Variants in PPP6R3 observed in about 807,000 individuals in gnomAD.
PPP6R3 encodes the protein serine/threonine-protein phosphatase 6 regulatory subunit 3.
PPP6R3 carries 38 observed loss-of-function variants against 110.7 expected under a neutral mutation model. The ratio of observed to expected loss-of-function variants is 0.34; its 90% CI spans 0.26 to 0.45. The LOEUF is 0.45. Among genes scored for constraint, PPP6R3 ranks in the 20% least tolerant of loss-of-function variants. PPP6R3 has a pLI of 1.00. For synonymous variants in PPP6R3, 369 were observed against 373.5 expected (o/e 0.99, Z 0.14); for missense variants, 870 against 1,062.4 (o/e 0.82, Z 2.52).
intron 2 of PPP6R3, among the ~76,000 whole-genome samples, chr11:68,528,231 A>C (rs1351744145): frequency 2.0e-5 from 3 of 152,184 alleles, no homozygotes; most frequent in Non-Finnish European, 4.4e-5. Context: ...GAAATGCTTG[A>C]AATATCAAAG....
At chr11:68,480,978 A>G (rs908102707) in intron 1 of PPP6R3, among the ~76,000 whole-genome samples, 5 of 152,204 alleles carry the variant, frequency 3.3e-5, no homozygotes, top group African/African-American at 1.2e-4. Context: ...TTTGCTTGCT[A>G]GAAAATGTTA....
Position 68,582,705 on chromosome 11 carries a change from A to G in PPP6R3, c.1546-338A>G, listed in dbSNP as rs184098516. Reference sequence around the variant, plus strand: ...AGGGTTTCTGTGTTTCATCTGTGCCATTACCTCTGTCTTTCTTTTTGTAAA... The same window carrying G: ...AGGGTTTCTGTGTTTCATCTGTGCCGTTACCTCTGTCTTTCTTTTTGTAAA... On this transcript the variant is annotated intron_variant, in intron 14 of 23. Coordinates refer to ENST00000393800, the MANE Select transcript of PPP6R3 (RefSeq NM_001164161.2). 1.3e-4 allele frequency among the ~76,000 whole-genome samples: 20 copies of G among 152,370 alleles called. No individual in the cohort carries two copies. The East Asian group carries it at 3.5e-3, about 26-fold the overall frequency.
intron 3 of PPP6R3, among the ~76,000 whole-genome samples, chr11:68,543,117 C>T (rs1326079756): frequency 6.6e-6 from 1 of 152,178 alleles, no homozygotes; most frequent in East Asian, 1.9e-4. Context: ...TTTTTACTCC[C>T]CTCCTCCATA....
At chr11:68,580,955 TAG>T (rs2099552016) in intron 14 of PPP6R3, among the ~76,000 whole-genome samples, 1 of 152,004 alleles carries the variant, frequency 6.6e-6, no homozygotes, top group Non-Finnish European at 1.5e-5. Context: ...GTATTTTTAG[TAG>T]AGACGGGGTT....
rs116021975 is a variant in PPP6R3, at chr11:68,614,863, G to A, written c.*1746G>A. ...CTGACTTGAATGGCGTTGGACCTCG[G>A]GGATTACTGGTAGATAATATGCTCT... On this transcript the variant is annotated 3_prime_UTR_variant, in exon 24 of 24. Transcript: ENST00000393800. The A allele has an allele frequency of 0.018, 17,635 of 976,936 alleles. 221 individuals are homozygous for A. Among genetic ancestry groups the A allele is most frequent in the Middle Eastern group, 0.027 (131 of 4,822 alleles). The allele number at this position is 976,936 out of a possible 1,614,324, so 60.5% of individuals were successfully genotyped here.
At chr11:68,507,246 ATT>A (rs58191278) in intron 1 of PPP6R3, among the ~76,000 whole-genome samples, 2,384 of 114,934 alleles carry the variant, frequency 0.021, 22 homozygotes, top group African/African-American at 0.036. Flanking sequence ...GTCTTTTTGC[ATT>A]TTTTTTTTTT....
intron 1 of PPP6R3, among the ~76,000 whole-genome samples, chr11:68,461,049 G>A (rs2098701188): frequency 6.6e-6 from 1 of 151,790 alleles, no homozygotes; most frequent in East Asian, 1.9e-4. Context: ...CGGGGGCCCC[G>A]CCAGGACGGG....
At chr11:68,488,022 C>A (rs895024310) in intron 1 of PPP6R3, among the ~76,000 whole-genome samples, 5 of 152,142 alleles carry the variant, frequency 3.3e-5, no homozygotes, top group Admixed American at 3.3e-4. Context: ...TCAGTTTTTG[C>A]CTCATGTATT....
intron 14 of PPP6R3, among the ~76,000 whole-genome samples, chr11:68,581,234 A>T (rs2099553223): frequency 1.3e-5 from 2 of 152,212 alleles, no homozygotes; most frequent in Admixed American, 1.3e-4. Context: ...AGCTTTTTTA[A>T]ATATCTTCTA....
intron 18 of PPP6R3, among the ~76,000 whole-genome samples, chr11:68,594,854 T>C (rs1056415508): frequency 1.3e-5 from 2 of 152,186 alleles, no homozygotes; most frequent in East Asian, 1.9e-4. Context: ...CAGTATGATA[T>C]GGGCAAGAAG....
chr11:68,466,151 A>G (rs533791312), intron 1 of PPP6R3, among the ~76,000 whole-genome samples: 4 of 152,276 alleles, frequency 2.6e-5, no homozygotes, highest in Admixed American at 2.6e-4. Context: ...CTCCTGCTGC[A>G]TTATGGATCT....
At chr11:68,534,377 A>T (rs2099258340) in intron 2 of PPP6R3, among the ~76,000 whole-genome samples, 1 of 152,122 alleles carries the variant, frequency 6.6e-6, no homozygotes, top group Admixed American at 6.6e-5. Flanking sequence ...TCTTAAAACA[A>T]CCCTTAAAAA....
Position 68,548,081 on chromosome 11 carries a change from AAAG to A in PPP6R3, c.436_438del (p.Lys146del), listed in dbSNP as rs752156500. The A allele has an allele frequency of 5.5e-5, 89 of 1,613,232 alleles. No homozygotes were observed. The African/African-American group carries it at 1.0e-3, about 18-fold the overall frequency. ...TTCTTCTCTAGATTGTGGATTTCTT[AAAG>A]AAGAAGCATGATTTTGTAGACCTTA... On this transcript the variant is annotated inframe_deletion, in exon 5 of 24. Transcript: ENST00000393800.
intron 2 of PPP6R3, among the ~76,000 whole-genome samples, chr11:68,527,070 A>G (rs2099202817): frequency 6.6e-6 from 1 of 152,172 alleles, no homozygotes; most frequent in Non-Finnish European, 1.5e-5. Context: ...AGGGTTGTGT[A>G]TTTCCCAGAC....
intron 1 of PPP6R3, among the ~76,000 whole-genome samples, chr11:68,498,867 G>A (rs1421192627): frequency 2.0e-5 from 3 of 152,196 alleles, no homozygotes; most frequent in African/African-American, 7.2e-5. Flanking sequence ...GGGCATAGAG[G>A]TATATGTATA....
At chr11:68,516,620 T>C (rs1371620700) in intron 1 of PPP6R3, among the ~76,000 whole-genome samples, 2 of 152,336 alleles carry the variant, frequency 1.3e-5, no homozygotes, top group East Asian at 3.9e-4. Context: ...GTTGCTTCCA[T>C]GTTTTAGCTG....
At chr11:68,498,040 T>G (rs1468633385) in intron 1 of PPP6R3, among the ~76,000 whole-genome samples, 1 of 152,214 alleles carries the variant, frequency 6.6e-6, no homozygotes, top group Non-Finnish European at 1.5e-5. Flanking sequence ...CCTCTATATT[T>G]AGACATTTCT....
intron 8 of PPP6R3, among the ~76,000 whole-genome samples, chr11:68,561,354 C>T (rs1171451876): frequency 6.6e-6 from 1 of 152,122 alleles, no homozygotes; most frequent in Non-Finnish European, 1.5e-5. Flanking sequence ...TCCGCCTCAG[C>T]CTCTTAAGTC....
intron 6 of PPP6R3, among the ~76,000 whole-genome samples, chr11:68,551,969 C>G (rs143107535): frequency 6.6e-6 from 1 of 152,132 alleles, no homozygotes; most frequent in Admixed American, 6.5e-5. Context: ...GGCCTTAGTC[C>G]TAGGTGCTAA....
Sources: gnomAD v4.1 joint callset for allele counts (sites outside exome capture counted in the v4.1 genomes callset) on GRCh38, gnomAD v4.1.1 for gene constraint, MANE v1.5 for transcripts, NCBI Gene and HGNC (gene_info 2026-07-23, HGNC 2026-07-21) for gene names.